EBF1: variants seen among roughly 807,000 people sequenced by gnomAD.
EBF1 encodes transcription factor COE1.
EBF1 carries 10 observed loss-of-function variants against 68.4 expected under a neutral mutation model. The ratio of observed to expected loss-of-function variants is 0.15; its 90% CI spans 0.09 to 0.25. EBF1 has a LOEUF of 0.25. Among genes scored for constraint, EBF1 ranks in the 10% least tolerant of loss-of-function variants. The pLI, the probability that EBF1 is intolerant of heterozygous loss-of-function variation, is 1.00. For synonymous variants in EBF1, 298 were observed against 299.8 expected (o/e 0.99, Z 0.06); for missense variants, 509 against 794.4 (o/e 0.64, Z 4.32).
intron 9 of EBF1, among the ~76,000 whole-genome samples, chr5:158,790,018 C>T (rs1182315249): frequency 6.6e-6 from 1 of 152,156 alleles, no homozygotes; most frequent in Non-Finnish European, 1.5e-5. Context: ...ACCATTTACC[C>T]AACTATATTC....
intron 6 of EBF1, among the ~76,000 whole-genome samples, chr5:158,909,971 A>G (rs973704047): frequency 5.3e-5 from 8 of 149,914 alleles, no homozygotes; most frequent in East Asian, 1.9e-4. Context: ...AAAAAAAAAA[A>G]AAAAAAAAAA....
chr5:158,995,967 G>A (rs1761333308), intron 6 of EBF1, among the ~76,000 whole-genome samples: 2 of 152,138 alleles, frequency 1.3e-5, no homozygotes, highest in African/African-American at 4.8e-5. Context: ...GGTGTCAAGT[G>A]CTGCATGAAG....
At chr5:158,783,553 G>C (rs1776833929) in intron 9 of EBF1, among the ~76,000 whole-genome samples, 1 of 152,156 alleles carries the variant, frequency 6.6e-6, no homozygotes, top group African/African-American at 2.4e-5. Context: ...AGGCCTCCAG[G>C]TGAGGCTGTC....
chr5:158,991,083 T>C (rs1381407354), intron 6 of EBF1, among the ~76,000 whole-genome samples: 5 of 152,242 alleles, frequency 3.3e-5, no homozygotes, highest in African/African-American at 1.2e-4. Flanking sequence ...TGCTCTGCTA[T>C]GTACTATCTG....
chr5:158,701,806 G>C (rs981175153), intron 15 of EBF1, among the ~76,000 whole-genome samples: 6 of 152,238 alleles, frequency 3.9e-5, no homozygotes, highest in Non-Finnish European at 1.5e-5. Context: ...GGGTCTAGGG[G>C]GTGGGTTTGG....
chr5:159,087,303 T>C (rs573784284), intron 4 of EBF1, among the ~76,000 whole-genome samples: 6 of 139,386 alleles, frequency 4.3e-5, no homozygotes, highest in African/African-American at 1.1e-4. Context: ...CATATATATA[T>C]ACACACACAC....
At chr5:158,817,061 A>T (rs1783907702) in intron 8 of EBF1, among the ~76,000 whole-genome samples, 1 of 152,018 alleles carries the variant, frequency 6.6e-6, no homozygotes, top group Non-Finnish European at 1.5e-5. Context: ...CGCAATTGCC[A>T]CCAAGACCAT....
At chr5:159,011,382 A>G (rs533799261) in intron 6 of EBF1, among the ~76,000 whole-genome samples, 3 of 152,198 alleles carry the variant, frequency 2.0e-5, no homozygotes, top group Admixed American at 6.5e-5. Context: ...CTCTGAGAGT[A>G]TATTTTTGTT....
At chr5:158,789,599 T>C (rs1778174117) in intron 9 of EBF1, among the ~76,000 whole-genome samples, 1 of 152,184 alleles carries the variant, frequency 6.6e-6, no homozygotes, top group African/African-American at 2.4e-5. Context: ...AGAACTGGGC[T>C]CTGAGCCCAG....
chr5:158,821,814 T>C (rs1784885622), intron 8 of EBF1, among the ~76,000 whole-genome samples: 1 of 152,170 alleles, frequency 6.6e-6, no homozygotes, highest in South Asian at 2.1e-4. Context: ...GTAATATCCA[T>C]CCATCTCAGC....
At chr5:158,765,574 A>C (rs1489838787) in intron 10 of EBF1, among the ~76,000 whole-genome samples, 1 of 152,118 alleles carries the variant, frequency 6.6e-6, no homozygotes, top group East Asian at 1.9e-4. Flanking sequence ...CCGTGATGTA[A>C]AGAAGTTAAC....
intron 9 of EBF1, among the ~76,000 whole-genome samples, chr5:158,782,152 C>T (rs1776566131): frequency 6.6e-6 from 1 of 152,158 alleles, no homozygotes; most frequent in Non-Finnish European, 1.5e-5. Context: ...TTGAAGACCC[C>T]AATCATACGT....
At chr5:159,087,158 G>C (rs1024516570) in intron 4 of EBF1, among the ~76,000 whole-genome samples, 2 of 151,122 alleles carry the variant, frequency 1.3e-5, no homozygotes, top group South Asian at 4.2e-4. Context: ...TGATGTTTTG[G>C]TTCCACCACT....
At position 158,772,680 on chromosome 5, in the gene EBF1, T is replaced by C. The variant is rs189605150; in HGVS notation, c.1036+4733A>G. 2.3e-4 allele frequency among the ~76,000 whole-genome samples: 35 copies of C among 152,278 alleles called. No homozygotes were observed. In the East Asian group the frequency reaches 5.8e-3, roughly 25 times the overall value. The stretch of plus-strand genomic sequence containing the variant: ...TTCTTTAAACTGATGCCTATAGTTG[T>C]GTTACTAAAAATCCCAAAAGACATT... On this transcript the variant is annotated intron_variant, in intron 10 of 15. Coordinates refer to ENST00000313708, the MANE Select transcript of EBF1 (RefSeq NM_024007.5).
chr5:158,976,050 C>G (rs1462669451), intron 6 of EBF1, among the ~76,000 whole-genome samples: 1 of 152,172 alleles, frequency 6.6e-6, no homozygotes, highest in Non-Finnish European at 1.5e-5. Context: ...GCAAATAGAT[C>G]CAGCAAAGAG....
intron 6 of EBF1, among the ~76,000 whole-genome samples, chr5:159,029,779 C>A (rs1007586230): frequency 2.0e-5 from 3 of 151,900 alleles, no homozygotes; most frequent in Non-Finnish European, 4.4e-5. Flanking sequence ...ACATGTGAAA[C>A]CCCTTCTCTA....
At chr5:158,950,212 T>C (rs1159172746) in intron 6 of EBF1, among the ~76,000 whole-genome samples, 2 of 152,232 alleles carry the variant, frequency 1.3e-5, no homozygotes, top group East Asian at 1.9e-4. Flanking sequence ...TTCCCTTAGA[T>C]GTTATTCACT....
At chr5:158,826,284 A>T (rs1786092052) in intron 7 of EBF1, among the ~76,000 whole-genome samples, 1 of 152,202 alleles carries the variant, frequency 6.6e-6, no homozygotes. Context: ...TTACACCTTT[A>T]CTTTCTAGAA....
intron 10 of EBF1, among the ~76,000 whole-genome samples, chr5:158,764,113 T>C (rs1772121921): frequency 6.6e-6 from 1 of 152,196 alleles, no homozygotes; most frequent in Non-Finnish European, 1.5e-5. Flanking sequence ...ATTTTGCAGA[T>C]GAGAAAAATG....
Sources: allele counts gnomAD v4.1 joint callset (sites outside exome capture counted in the v4.1 genomes callset), GRCh38; gene constraint gnomAD v4.1.1; transcripts MANE v1.5; gene names NCBI Gene and HGNC (gene_info 2026-07-23, HGNC 2026-07-21).